Variants in CIMIP5 observed in about 807,000 individuals in gnomAD.
CIMIP5 encodes the protein ciliary microtubule inner protein 5.
chr2:11,145,959 A>G, the CIMIP5 span: 1 of 152,224 alleles, frequency 6.6e-6, no homozygotes, highest in Non-Finnish European at 1.5e-5. Flanking sequence ...ACAGGCAGGG[A>G]TTTCGTATTC....
the CIMIP5 span, among the ~76,000 whole-genome samples, chr2:11,135,032 A>G: frequency 2.0e-5 from 3 of 152,226 alleles, no homozygotes; most frequent in African/African-American, 7.2e-5. Context: ...ACAGAGAGAG[A>G]GGAGGTGTCA....
the CIMIP5 span, among the ~76,000 whole-genome samples, chr2:11,142,266 CAAAA>C: frequency 1.2e-5 from 1 of 84,654 alleles, no homozygotes; most frequent in Non-Finnish European, 2.4e-5. Flanking sequence ...AATTCAGTCT[CAAAA>C]AAAAAAAAAA....
At chr2:11,152,812 G>T in the CIMIP5 span, among the ~76,000 whole-genome samples, 1 of 152,122 alleles carries the variant, frequency 6.6e-6, no homozygotes. Flanking sequence ...GAGATGTCCC[G>T]CTGGGCATGG....
At chr2:11,133,948 A>G in the CIMIP5 span, among the ~76,000 whole-genome samples, 1 of 152,162 alleles carries the variant, frequency 6.6e-6, no homozygotes, top group African/African-American at 2.4e-5. Context: ...TCATGCATTC[A>G]TTCAACCAAA....
chr2:11,137,626 C>A, the CIMIP5 span, among the ~76,000 whole-genome samples: 1 of 152,056 alleles, frequency 6.6e-6, no homozygotes, highest in Admixed American at 6.6e-5. Flanking sequence ...GAGAATTTTC[C>A]AGAACCAAAG....
chr2:11,135,657 G>GT, the CIMIP5 span, among the ~76,000 whole-genome samples: 84 of 68,796 alleles, frequency 1.2e-3, no homozygotes, highest in African/African-American at 5.5e-3. Context: ...TTTTTTTTGG[G>GT]GTTTTTTTGG....
At chr2:11,135,658 G>T in the CIMIP5 span, among the ~76,000 whole-genome samples, 137,810 of 149,044 alleles carry the variant, frequency 0.92, 63,728 homozygotes, top group East Asian at 1. Context: ...TTTTTTTGGG[G>T]TTTTTTTGGT....
the CIMIP5 span, among the ~76,000 whole-genome samples, chr2:11,140,095 A>AG: frequency 7.1e-6 from 1 of 140,560 alleles, no homozygotes; most frequent in Non-Finnish European, 1.5e-5. Flanking sequence ...TCAAAAAAAA[A>AG]AAAAAAAAAA....
At chr2:11,134,078 C>G in the CIMIP5 span, among the ~76,000 whole-genome samples, 21 of 152,116 alleles carry the variant, frequency 1.4e-4, no homozygotes, top group Non-Finnish European at 2.9e-4. Flanking sequence ...AGCAGAGAAG[C>G]AAACAAGTAC....
the CIMIP5 span, among the ~76,000 whole-genome samples, chr2:11,140,905 T>A: frequency 6.6e-6 from 1 of 152,214 alleles, no homozygotes; most frequent in South Asian, 2.1e-4. Context: ...AAATACTTTG[T>A]AAACAAATTC....
chr2:11,152,924 C>T, the CIMIP5 span, among the ~76,000 whole-genome samples: 8 of 152,168 alleles, frequency 5.3e-5, no homozygotes, highest in Non-Finnish European at 1.0e-4. Flanking sequence ...GCCCACAAAT[C>T]CCAAAAAGGT....
chr2:11,137,399 C>T, the CIMIP5 span, among the ~76,000 whole-genome samples: 4 of 151,826 alleles, frequency 2.6e-5, no homozygotes, highest in African/African-American at 9.7e-5. Context: ...ACAAAAAGAA[C>T]TTGTAGAAAT....
At chr2:11,151,569 A>G in the CIMIP5 span, among the ~76,000 whole-genome samples, 1 of 152,240 alleles carries the variant, frequency 6.6e-6, no homozygotes, top group Non-Finnish European at 1.5e-5. Flanking sequence ...TTGGAGCTTA[A>G]TTATTACTCA....
chr2:11,134,426 T>C, the CIMIP5 span, among the ~76,000 whole-genome samples: 3 of 152,182 alleles, frequency 2.0e-5, no homozygotes, highest in African/African-American at 7.2e-5. Context: ...TGATAGATTC[T>C]AGGATGCATT....
the CIMIP5 span, among the ~76,000 whole-genome samples, chr2:11,143,127 T>C: frequency 6.6e-6 from 1 of 152,130 alleles, no homozygotes; most frequent in East Asian, 1.9e-4. Flanking sequence ...AACCCAAGTG[T>C]GATCAGTGGT....
chr2:11,144,084 G>A, the CIMIP5 span: 1 of 1,599,096 alleles, frequency 6.3e-7, no homozygotes, highest in South Asian at 1.1e-5. Context: ...GGAAGAAGAA[G>A]CTGGAGGACC....
the CIMIP5 span, among the ~76,000 whole-genome samples, chr2:11,148,007 C>A: frequency 6.6e-6 from 1 of 152,076 alleles, no homozygotes; most frequent in African/African-American, 2.4e-5. Context: ...GGGGCATTAC[C>A]TATAAAGAGA....
the CIMIP5 span, among the ~76,000 whole-genome samples, chr2:11,147,850 A>G: frequency 0.17 from 26,229 of 152,106 alleles, 6,654 homozygotes; most frequent in African/African-American, 0.56. Flanking sequence ...GGGAGCCCAG[A>G]AAACCAGGAC....
chr2:11,147,888 G>A, the CIMIP5 span, among the ~76,000 whole-genome samples: 1 of 152,216 alleles, frequency 6.6e-6, no homozygotes, highest in Non-Finnish European at 1.5e-5. Flanking sequence ...GAAGTCCCAA[G>A]GCCAGCCTTT....
Sources: gnomAD v4.1 joint callset for allele counts (sites outside exome capture counted in the v4.1 genomes callset) on GRCh38, gnomAD v4.1.1 for gene constraint, MANE v1.5 for transcripts, NCBI Gene and HGNC (gene_info 2026-07-23, HGNC 2026-07-21) for gene names.